Variants in SHISAL1 observed in about 807,000 individuals in gnomAD.
SHISAL1 encodes shisa like 1, also known as protein shisa-like-1.
Under a neutral mutation model 22.6 loss-of-function variants are expected in SHISAL1, and 9 were observed. That is an observed-to-expected ratio of 0.40 (90% confidence interval 0.24 to 0.70). SHISAL1 has a LOEUF of 0.70. Among genes scored for constraint, SHISAL1 ranks in the 30% least tolerant of loss-of-function variants. The pLI is 0.39. For synonymous variants in SHISAL1, 119 were observed against 115.4 expected (o/e 1.03, Z -0.20); for missense variants, 246 against 270.6 (o/e 0.91, Z 0.64).
At chr22:44,311,009 G>A (rs951250795) in intron 1 of SHISAL1, among the ~76,000 whole-genome samples, 3 of 152,152 alleles carry the variant, frequency 2.0e-5, no homozygotes, top group Admixed American at 1.3e-4. Context: ...GATGGGAACA[G>A]CAGAGATCCA....
chr22:44,275,220 C>T lies in SHISAL1; in HGVS notation c.599+10208G>A, dbSNP rs140014075. 9.2e-5 allele frequency among the ~76,000 whole-genome samples: 14 copies of T among 152,288 alleles called. No individual in the cohort carries two copies. The East Asian group carries it at 2.5e-3, about 27-fold the overall frequency. Reference sequence around the variant, plus strand: ...CAGGTGGAAGAGAAGAGTACACCTGCCACCTCCGGAAAGATTCCCAGGGCT... The same window carrying T: ...CAGGTGGAAGAGAAGAGTACACCTGTCACCTCCGGAAAGATTCCCAGGGCT... On this transcript the variant is annotated intron_variant, in intron 4 of 4. Coordinates refer to ENST00000381176, the MANE Select transcript of SHISAL1 (RefSeq NM_001099294.2).
chr22:44,304,374 G>A (rs908185155), intron 1 of SHISAL1, among the ~76,000 whole-genome samples: 1 of 152,368 alleles, frequency 6.6e-6, no homozygotes, highest in African/African-American at 2.4e-5. Flanking sequence ...CTCCTCCCCT[G>A]TAGCATGGGC....
chr22:44,285,579 C>T lies in SHISAL1; in HGVS notation c.448G>A (p.Gly150Arg), dbSNP rs902466535. Residue 150 changes from glycine to arginine, a missense_variant, in exon 4 of 5, where the codon GGG becomes AGG. Transcript: ENST00000381176. ...RWMKQDPRRW[G>R]NPARAPRPGQ... ...GGCCGAGGGGCCCGAGCGGGGTTCC[C>T]CCACCGCCGGGGGTCCTGTTTCATC... The T allele has an allele frequency of 3.1e-6, 5 of 1,613,840 alleles. No individual in the cohort carries two copies. The highest frequency in any genetic ancestry group is 3.3e-5 in the Admixed American group (2 of 60,028).
chr22:44,250,829 G>A (rs2055042521), intron 4 of SHISAL1, among the ~76,000 whole-genome samples: 1 of 152,196 alleles, frequency 6.6e-6, no homozygotes, highest in Non-Finnish European at 1.5e-5. Flanking sequence ...AATTGCATCT[G>A]GTGAGTGTTC....
chr22:44,300,004 G>A (rs1469750432), intron 2 of SHISAL1, among the ~76,000 whole-genome samples: 1 of 148,874 alleles, frequency 6.7e-6, no homozygotes, highest in Non-Finnish European at 1.5e-5. Context: ...GCAGAGGACA[G>A]AAACAGAGAG....
the SHISAL1 span, among the ~76,000 whole-genome samples, chr22:44,321,591 T>C: frequency 2.0e-5 from 3 of 152,330 alleles, no homozygotes; most frequent in African/African-American, 7.2e-5. Context: ...CCCTGCAGAC[T>C]GTGAGCCTGT....
At chr22:44,328,493 C>T in the SHISAL1 span, among the ~76,000 whole-genome samples, 22 of 152,230 alleles carry the variant, frequency 1.4e-4, no homozygotes, top group South Asian at 4.2e-4. Context: ...TGAGCCTGTT[C>T]GGTGAAGTCC....
intron 2 of SHISAL1, among the ~76,000 whole-genome samples, chr22:44,298,785 CCGGCGAG>C (rs2055405526): frequency 6.6e-6 from 1 of 152,180 alleles, no homozygotes; most frequent in Non-Finnish European, 1.5e-5. Flanking sequence ...GAGGGCAGGC[CCGGCGAG>C]GTTGGGGGAT....
At position 44,267,680 on chromosome 22, in the gene SHISAL1, C is replaced by T. The variant is rs372908963; in HGVS notation, c.599+17748G>A. ...TGCATCTCCCACCTGTCCCCTCCTG[C>T]GCTTCCTTCCTCCCCCACACTCATG... On this transcript the variant is annotated intron_variant, in intron 4 of 4. Coordinates refer to ENST00000381176, the MANE Select transcript of SHISAL1 (RefSeq NM_001099294.2). Among the ~76,000 whole-genome samples the T allele has an allele frequency of 2.9e-4, 44 of 152,334 alleles. No homozygotes were observed. In the East Asian group the frequency reaches 6.0e-3, roughly 21 times the overall value.
intron 4 of SHISAL1, among the ~76,000 whole-genome samples, chr22:44,285,144 C>T (rs1375995210): frequency 6.6e-6 from 1 of 152,196 alleles, no homozygotes; most frequent in Non-Finnish European, 1.5e-5. Flanking sequence ...CCCAAAACTC[C>T]ACTAAATGTT....
chr22:44,270,210 C>G (rs77639097), intron 4 of SHISAL1, among the ~76,000 whole-genome samples: 7,200 of 152,216 alleles, frequency 0.047, 578 homozygotes, highest in African/African-American at 0.16. Flanking sequence ...TCTCTCCTAT[C>G]TCGACAACCC....
Position 44,259,704 on chromosome 22 carries a change from G to A in SHISAL1, c.*-10019C>T, listed in dbSNP as rs115255871. 8.6e-3 allele frequency among the ~76,000 whole-genome samples: 1,305 copies of A among 152,292 alleles called. 18 individuals are homozygous for A. The highest frequency in any genetic ancestry group is 0.03 in the African/African-American group (1,241 of 41,552). ...TGCATTAATAGAAGTATATGCGCCAGAATAGAGGAGATGACCCAAGGTTCT... is the reference window on the plus strand; with the variant it reads ...TGCATTAATAGAAGTATATGCGCCAAAATAGAGGAGATGACCCAAGGTTCT... On this transcript the variant is annotated intron_variant, in intron 4 of 4. Coordinates refer to ENST00000381176, the MANE Select transcript of SHISAL1 (RefSeq NM_001099294.2).
intron 2 of SHISAL1, among the ~76,000 whole-genome samples, chr22:44,300,180 C>T (rs895822379): frequency 3.4e-4 from 52 of 151,486 alleles, no homozygotes; most frequent in African/African-American, 1.2e-3. Flanking sequence ...GATAGAGATA[C>T]AGAGACAGAC....
At chr22:44,321,831 G>T in the SHISAL1 span, among the ~76,000 whole-genome samples, 3 of 152,042 alleles carry the variant, frequency 2.0e-5, no homozygotes, top group South Asian at 6.2e-4. Context: ...CCCCAAAGAG[G>T]AGTCAAAGAA....
rs919373482 is a variant in SHISAL1, at chr22:44,243,894, AT to A, written c.*5790del. 3.3e-5 allele frequency: 5 copies of A among 152,004 alleles called. No homozygotes were observed. The highest frequency in any genetic ancestry group is 2.6e-4 in the Admixed American group (4 of 15,246). The allele number at this position is 152,004 out of a possible 1,614,324, so 9.4% of individuals were successfully genotyped here. On this transcript the variant is annotated 3_prime_UTR_variant, in exon 5 of 5. Coordinates refer to ENST00000381176, the MANE Select transcript of SHISAL1 (RefSeq NM_001099294.2). ...GAAGTCAGAGTTTACGGGAGAGAAA[AT>A]ATTTCCATCCCCCTACCCCTGCGCT...
chr22:44,262,898 G>A (rs1462966478), intron 4 of SHISAL1, among the ~76,000 whole-genome samples: 1 of 152,170 alleles, frequency 6.6e-6, no homozygotes, highest in African/African-American at 2.4e-5. Flanking sequence ...GAACATCTGT[G>A]ACAATAACCC....
upstream of SHISAL1, among the ~76,000 whole-genome samples, chr22:44,315,308 A>G (rs963832200): frequency 6.6e-6 from 1 of 152,072 alleles, no homozygotes; most frequent in Non-Finnish European, 1.5e-5. Context: ...TCCATTGCAC[A>G]CAGGCCCACC....
rs907119611 is a variant in SHISAL1 at position 44,304,938 on chromosome 22, T to C, written c.-32-3961A>G. On this transcript the variant is annotated intron_variant, in intron 1 of 4. Coordinates refer to ENST00000381176, the MANE Select transcript of SHISAL1 (RefSeq NM_001099294.2). ...AGGTTTGTTGAGTGAATGAGGAGGATCTACCTTAGCCACAGGCCTGGCCCC... is the reference window on the plus strand; with the variant it reads ...AGGTTTGTTGAGTGAATGAGGAGGACCTACCTTAGCCACAGGCCTGGCCCC... Among the ~76,000 whole-genome samples, 4 of 152,036 alleles carry C rather than the reference T, an allele frequency of 2.6e-5. No individual in the cohort carries two copies. The East Asian group carries it at 7.7e-4, about 29-fold the overall frequency.
At chr22:44,300,643 T>C (rs1209964178) in intron 2 of SHISAL1, among the ~76,000 whole-genome samples, 2 of 151,768 alleles carry the variant, frequency 1.3e-5, no homozygotes, top group African/African-American at 4.8e-5. Context: ...TGAGCTCCCA[T>C]GGGAAGTCCC....
Sources: allele counts gnomAD v4.1 joint callset (sites outside exome capture counted in the v4.1 genomes callset), GRCh38; gene constraint gnomAD v4.1.1; transcripts MANE v1.5; gene names NCBI Gene and HGNC (gene_info 2026-07-23, HGNC 2026-07-21).